The following STX5 variants were observed in gnomAD, a reference collection of about 807,000 sequenced individuals.
STX5 encodes the protein syntaxin-5.
A neutral mutation model predicts 42.9 loss-of-function variants in STX5; 15 were observed. That is an observed-to-expected ratio of 0.35 (90% CI 0.23 to 0.54). The LOEUF (loss-of-function observed/expected upper bound fraction) is 0.54. Among genes scored for constraint, STX5 ranks in the 20% least tolerant of loss-of-function variants. The pLI, the probability that STX5 is intolerant of heterozygous loss-of-function variation, is 0.91. For missense variants in STX5, 430 were observed against 455.0 expected (o/e 0.95, Z 0.50); for synonymous variants, 184 against 173.2 (o/e 1.06, Z -0.49).
At chr11:62,807,780 A>G (rs1478194339) in intron 10 of STX5, 152 bp from the exon 11 acceptor site, 1 of 1,389,104 alleles carries the variant, frequency 7.2e-7, no homozygotes, top group Non-Finnish European at 9.5e-7. Context: ...AGGGTACTAT[A>G]AACAAGTTAT....
intron 8 of STX5, 87 bp downstream of exon 8, chr11:62,824,949 T>G (rs1234977401): frequency 8.0e-6 from 11 of 1,381,874 alleles, no homozygotes; most frequent in Non-Finnish European, 2.0e-6. Context: ...TCCACTCTCC[T>G]ACCCAACCCG....
intron 2 of STX5, among the ~76,000 whole-genome samples, chr11:62,827,884 T>C (rs2084813655): frequency 6.6e-6 from 1 of 151,860 alleles, no homozygotes; most frequent in South Asian, 2.1e-4. Context: ...ATCTCTACTT[T>C]CTCTTCTATA....
In STX5 at chr11:62,825,129, G is replaced by GA. The variant is rs750620489; in HGVS notation, c.598-13dup. On this transcript the variant is annotated splice_polypyrimidine_tract_variant and intron_variant, in intron 7 of 10. Transcript: ENST00000294179. ...TGCTGCTTCAGGTTCTGGGGTTGGG[G>GA]AAAAACGCAAAGGACCTGAAGCCAC... 1 of 1,612,372 alleles carries GA rather than the reference G, an allele frequency of 6.2e-7. No homozygotes were observed. The highest frequency in any genetic ancestry group is 8.5e-7 in the Non-Finnish European group (1 of 1,179,972).
intron 10 of STX5, chr11:62,816,176 AATAAAG>A (rs933977154): frequency 1.3e-5 from 2 of 152,178 alleles, no homozygotes; most frequent in African/African-American, 4.8e-5. Flanking sequence ...GGTTCAGAAA[AATAAAG>A]ATAAAGCTAA....
intron 2 of STX5, chr11:62,830,238 T>A (rs1180533149): frequency 1.2e-5 from 2 of 167,454 alleles, no homozygotes; most frequent in Non-Finnish European, 2.6e-5. Flanking sequence ...TGGCCTCAAG[T>A]CATCCTCTGG....
chr11:62,810,103 CAA>C (rs11405544), intron 10 of STX5, among the ~76,000 whole-genome samples: 17 of 97,586 alleles, frequency 1.7e-4, no homozygotes, highest in African/African-American at 4.5e-4. Context: ...GACTCCATCT[CAA>C]AAAAAAAAAA....
At chr11:62,828,598 C>A (rs1198644368) in intron 2 of STX5, among the ~76,000 whole-genome samples, 1 of 151,946 alleles carries the variant, frequency 6.6e-6, no homozygotes, top group Admixed American at 6.6e-5. Flanking sequence ...TGGTGGCATG[C>A]ACCTGTAGTC....
At chr11:62,819,250 A>AAAG (rs2084711774) in intron 10 of STX5, among the ~76,000 whole-genome samples, 1 of 133,962 alleles carries the variant, frequency 7.5e-6, no homozygotes, top group Non-Finnish European at 1.7e-5. Context: ...AAAAAAAAAA[A>AAAG]AAAAAAGAAG....
chr11:62,814,708 C>T (rs1424072638), intron 10 of STX5, among the ~76,000 whole-genome samples: 2 of 151,752 alleles, frequency 1.3e-5, no homozygotes, highest in African/African-American at 4.8e-5. Flanking sequence ...TCACCGCAAC[C>T]GCTGCCTCCC....
Position 62,831,071 on chromosome 11 carries a change from C to A in STX5, c.173G>T (p.Arg58Leu). The A allele has an allele frequency of 6.4e-7, 1 of 1,554,906 alleles. No homozygotes were observed. The highest frequency in any genetic ancestry group is 8.7e-7 in the Non-Finnish European group (1 of 1,149,974). Residue 58 changes from arginine to leucine, a missense_variant, in exon 2 of 11, where the codon CGG (arginine) becomes CTG (leucine). Physicochemically the swap from Arg to Leu is moderately radical, Grantham distance 102. Transcript: ENST00000294179. ...VPPPPDTMSC[R>L]DRTQEFLSAC... ...AGACAGAAACTCCTGGGTCCGATCCCGGCAGGACATGGTGTCGGGAGGGGG... is the reference window on the plus strand; with the variant it reads ...AGACAGAAACTCCTGGGTCCGATCCAGGCAGGACATGGTGTCGGGAGGGGG...
chr11:62,813,251 G>A (rs1440302460), intron 10 of STX5, among the ~76,000 whole-genome samples: 1 of 152,130 alleles, frequency 6.6e-6, no homozygotes. Flanking sequence ...TGCAGCCTGG[G>A]TGACAGAGTG....
intron 10 of STX5, among the ~76,000 whole-genome samples, chr11:62,810,299 G>A (rs977068862): frequency 1.3e-5 from 2 of 151,864 alleles, no homozygotes; most frequent in Non-Finnish European, 2.9e-5. Flanking sequence ...AAAATTAGCT[G>A]GACATGGTGG....
intron 10 of STX5, among the ~76,000 whole-genome samples, chr11:62,810,937 A>C (rs1451634647): frequency 6.6e-6 from 1 of 152,226 alleles, no homozygotes; most frequent in Non-Finnish European, 1.5e-5. Context: ...GCACTGATCC[A>C]ATTAATTCAA....
intron 2 of STX5, 73 bp from the exon 3 acceptor site, chr11:62,827,704 T>G: frequency 1.3e-6 from 2 of 1,509,000 alleles, no homozygotes; most frequent in Admixed American, 1.7e-5. Context: ...CTTCCTGAGG[T>G]GTCCACTAAC....
intron 10 of STX5, among the ~76,000 whole-genome samples, chr11:62,808,829 C>T (rs560126935): frequency 3.3e-5 from 5 of 152,112 alleles, no homozygotes; most frequent in South Asian, 2.1e-4. Context: ...ATGTAATCAT[C>T]GCAGCACTAA....
At chr11:62,830,085 AAG>A (rs1235919244) in intron 2 of STX5, among the ~76,000 whole-genome samples, 3 of 146,090 alleles carry the variant, frequency 2.1e-5, no homozygotes, top group East Asian at 2.0e-4. Flanking sequence ...AAAAAAAAAA[AAG>A]AGAGAGAGGA....
chr11:62,818,295 G>A (rs954921557), intron 10 of STX5, among the ~76,000 whole-genome samples: 1 of 149,640 alleles, frequency 6.7e-6, no homozygotes, highest in Non-Finnish European at 1.5e-5. Context: ...TGTGGCTCAT[G>A]CCTGTGATCC....
chr11:62,826,450 G>A (rs2084796653), intron 5 of STX5, among the ~76,000 whole-genome samples: 1 of 151,648 alleles, frequency 6.6e-6, no homozygotes, highest in South Asian at 2.1e-4. Flanking sequence ...CCAGCTATTC[G>A]GGAGGCTGAG....
intron 10 of STX5, chr11:62,823,864 T>C (rs1010721433): frequency 1.7e-5 from 6 of 360,148 alleles, no homozygotes; most frequent in Non-Finnish European, 3.2e-5. Flanking sequence ...GTCAGTTCTT[T>C]TCCACAGCTG....
Sources: gnomAD v4.1 joint callset for allele counts (sites outside exome capture counted in the v4.1 genomes callset) on GRCh38, gnomAD v4.1.1 for gene constraint, MANE v1.5 for transcripts, NCBI Gene and HGNC (gene_info 2026-07-23, HGNC 2026-07-21) for gene names.